The following GLRA1 variants were observed in gnomAD, a reference collection of about 807,000 sequenced individuals.
The protein encoded by GLRA1 is glycine receptor alpha 1.
In GLRA1, 37 loss-of-function variants were observed where a neutral mutation model predicts 48.3. The ratio of observed to expected loss-of-function variants is 0.77; its 90% CI spans 0.59 to 1.01. GLRA1 has a LOEUF of 1.01. GLRA1 is among the 50% of genes least tolerant of loss of function. The pLI is 0.00. For synonymous variants in GLRA1, 196 were observed against 210.7 expected (o/e 0.93, Z 0.60); for missense variants, 427 against 571.0 (o/e 0.75, Z 2.57).
At chr5:151,823,606 G>A (rs987598304) in intron 8 of GLRA1, among the ~76,000 whole-genome samples, 1 of 152,158 alleles carries the variant, frequency 6.6e-6, no homozygotes, top group Admixed American at 6.5e-5. Flanking sequence ...CTGCCTCTAC[G>A]TTCCCACATC....
chr5:151,830,792 A>C (rs962327864), intron 7 of GLRA1, among the ~76,000 whole-genome samples: 2 of 152,258 alleles, frequency 1.3e-5, no homozygotes, highest in Non-Finnish European at 1.5e-5. Context: ...AATCCTGAAG[A>C]GAGGGTAGAA....
At chr5:151,864,260 C>T (rs1753277442) in intron 3 of GLRA1, among the ~76,000 whole-genome samples, 1 of 152,142 alleles carries the variant, frequency 6.6e-6, no homozygotes, top group South Asian at 2.1e-4. Flanking sequence ...TTTTGATGTT[C>T]TTGCCAGTGA....
At chr5:151,828,281 T>TATGGGTCCATAACTAGTTC (rs1554082217) in intron 8 of GLRA1, among the ~76,000 whole-genome samples, 35 of 152,316 alleles carry the variant, frequency 2.3e-4, no homozygotes, top group African/African-American at 7.7e-4. Flanking sequence ...GGGAACTAGT[T>TATGGGTCCATAACTAGTTC]ATGGACCCAC....
chr5:151,856,333 TC>T lies in GLRA1; in HGVS notation c.526del (p.Asp176MetfsTer16), dbSNP rs1253212053. On this transcript the variant is annotated frameshift_variant, in exon 5 of 9. Coordinates refer to ENST00000274576, the MANE Select transcript of GLRA1 (RefSeq NM_000171.4). LOFTEE classifies it high-confidence loss of function. ...CAGTTGCATGATACATGTCTGGACATCCATGGGGAAATTCTTCAAGTCCATG... is the reference window on the plus strand; with the variant it reads ...CAGTTGCATGATACATGTCTGGACATCATGGGGAAATTCTTCAAGTCCATG... Reference protein sequence around the residue: ...CPMDLKNFPMDVQTCIMQLES... With the variant: ...CPMDLKNFPMXVQTCIMQLES... 2 of 1,612,368 alleles carry T rather than the reference TC, an allele frequency of 1.2e-6. No individual in the cohort carries two copies. The highest frequency in any genetic ancestry group is 4.5e-5 in the East Asian group (2 of 44,830).
intron 7 of GLRA1, 115 bp downstream of exon 7, chr5:151,851,275 G>T: frequency 2.7e-6 from 2 of 746,060 alleles, no homozygotes; most frequent in Non-Finnish European, 4.8e-6. Flanking sequence ...GCAAAGTATA[G>T]TAGATAAATA....
At chr5:151,839,490 G>T (rs1198225407) in intron 7 of GLRA1, among the ~76,000 whole-genome samples, 1 of 152,144 alleles carries the variant, frequency 6.6e-6, no homozygotes, top group African/African-American at 2.4e-5. Flanking sequence ...CAAAGGAAGG[G>T]GGAGGTAATT....
At chr5:151,849,034 G>A in intron 7 of GLRA1, 1 of 551,650 alleles carries the variant, frequency 1.8e-6, no homozygotes, top group African/African-American at 1.9e-5. Context: ...TGGACAGTGA[G>A]CCCAACTGTG....
chr5:151,849,148 CTTTCTTTTCTTTTCT>C (rs1167005109), intron 7 of GLRA1: 9 of 142,956 alleles, frequency 6.3e-5, no homozygotes, highest in African/African-American at 2.5e-4. Context: ...TTCTTTCTTT[CTTTCTTTTCTTTTCT>C]TTTCTTTCTT....
intron 3 of GLRA1, among the ~76,000 whole-genome samples, chr5:151,865,052 G>A (rs574613845): frequency 6.6e-6 from 1 of 152,306 alleles, no homozygotes; most frequent in African/African-American, 2.4e-5. Context: ...AGTTAGGCTA[G>A]ATGGTCTCTA....
chr5:151,861,910 C>A (rs1367960039), intron 3 of GLRA1, among the ~76,000 whole-genome samples: 1 of 152,170 alleles, frequency 6.6e-6, no homozygotes, highest in East Asian at 1.9e-4. Context: ...TGACTTTCTT[C>A]AAAGAACTGG....
rs67871185 is a variant in GLRA1, at chr5:151,895,625, C to CTGTGTGTGTGTGTGTGTG, written c.57-3205_57-3188dup. On this transcript the variant is annotated intron_variant, in intron 1 of 8. Coordinates refer to ENST00000274576, the MANE Select transcript of GLRA1 (RefSeq NM_000171.4). ...CTCTTGCAGCATGGTGTGTGTGTGT[C>CTGTGTGTGTGTGTGTGTG]TGTGTGTGTGTGTGTGTGTGTGTGT... Among the ~76,000 whole-genome samples, 12 of 146,694 alleles carry CTGTGTGTGTGTGTGTGTG rather than the reference C, an allele frequency of 8.2e-5. No homozygotes were observed. The East Asian group carries it at 2.2e-3, about 27-fold the overall frequency.
intron 5 of GLRA1, 25 bp from the exon 6 acceptor site, chr5:151,855,202 C>T (rs763286025): frequency 1.2e-6 from 2 of 1,612,294 alleles, no homozygotes; most frequent in Non-Finnish European, 1.7e-6. Flanking sequence ...GAAGAAGGAG[C>T]AGTCACCACT....
chr5:151,921,460 C>T (rs1458936315), intron 1 of GLRA1, among the ~76,000 whole-genome samples: 2 of 152,156 alleles, frequency 1.3e-5, no homozygotes, highest in Non-Finnish European at 2.9e-5. Context: ...CTACTAGCAC[C>T]AGGGATGCGG....
chr5:151,898,096 C>A (rs1047424948), intron 1 of GLRA1, among the ~76,000 whole-genome samples: 1 of 152,134 alleles, frequency 6.6e-6, no homozygotes, highest in East Asian at 1.9e-4. Flanking sequence ...GTGTGACCTT[C>A]AGTGAGTCAC....
chr5:151,890,611 C>A (rs1335199968), intron 2 of GLRA1, among the ~76,000 whole-genome samples: 2 of 152,320 alleles, frequency 1.3e-5, no homozygotes, highest in East Asian at 1.9e-4. Flanking sequence ...TCTTGGATGG[C>A]CTGGCTGAAC....
intron 7 of GLRA1, chr5:151,849,074 C>A: frequency 2.5e-6 from 1 of 393,948 alleles, no homozygotes; most frequent in Non-Finnish European, 4.7e-6. Flanking sequence ...GGATTTCTTT[C>A]TTTCTTTTCT....
intron 1 of GLRA1, among the ~76,000 whole-genome samples, chr5:151,923,867 A>T (rs1049841097): frequency 6.6e-6 from 1 of 152,186 alleles, no homozygotes; most frequent in Admixed American, 6.5e-5. Flanking sequence ...TCCTAAATAG[A>T]TCCACTCTGC....
chr5:151,905,205 G>A (rs1035430046), intron 1 of GLRA1, among the ~76,000 whole-genome samples: 1 of 151,844 alleles, frequency 6.6e-6, no homozygotes, highest in Non-Finnish European at 1.5e-5. Context: ...AATGCACATT[G>A]GGAAAATACA....
chr5:151,831,676 A>G (rs1370167879), intron 7 of GLRA1, among the ~76,000 whole-genome samples: 2 of 152,026 alleles, frequency 1.3e-5, no homozygotes, highest in African/African-American at 4.8e-5. Context: ...AAAACTACCA[A>G]CTCTCTGGGA....
Sources: gnomAD v4.1 joint callset for allele counts (sites outside exome capture counted in the v4.1 genomes callset) on GRCh38, gnomAD v4.1.1 for gene constraint, MANE v1.5 for transcripts, NCBI Gene and HGNC (gene_info 2026-07-23, HGNC 2026-07-21) for gene names.